The following NR2C2 variants were observed in gnomAD, a reference collection of about 807,000 sequenced individuals.
NR2C2 encodes nuclear receptor subfamily 2 group C member 2, also known as Nuclear hormone receptor TR4.
In NR2C2, 6 loss-of-function variants were observed where a neutral mutation model predicts 62.9. The observed-to-expected ratio is 0.10, with a 90% CI of 0.05 to 0.19. The LOEUF (loss-of-function observed/expected upper bound fraction) is 0.19. Among genes scored for constraint, NR2C2 ranks in the 10% least tolerant of loss-of-function variants. NR2C2 has a pLI of 1.00. For synonymous variants in NR2C2, 272 were observed against 273.8 expected (o/e 0.99, Z 0.07); for missense variants, 479 against 762.7 (o/e 0.63, Z 4.38).
intron 1 of NR2C2, among the ~76,000 whole-genome samples, chr3:14,957,701 T>G (rs929436115): frequency 6.6e-6 from 1 of 152,318 alleles, no homozygotes; most frequent in South Asian, 2.1e-4. Context: ...CACACTACTT[T>G]AAGAATCTGC....
intron 1 of NR2C2, among the ~76,000 whole-genome samples, chr3:15,000,683 G>T (rs2040963695): frequency 2.0e-5 from 3 of 152,070 alleles, no homozygotes; most frequent in African/African-American, 7.2e-5. Context: ...ATGAATTTTA[G>T]GATCATTTTG....
chr3:14,969,673 GT>G (rs1271560935), intron 1 of NR2C2, among the ~76,000 whole-genome samples: 1 of 152,198 alleles, frequency 6.6e-6, no homozygotes, highest in Admixed American at 6.5e-5. Context: ...TTGCATGTAT[GT>G]TTATGCAATA....
intron 1 of NR2C2, among the ~76,000 whole-genome samples, chr3:14,977,676 G>A (rs997022009): frequency 1.8e-4 from 27 of 152,104 alleles, no homozygotes; most frequent in Non-Finnish European, 7.4e-5. Context: ...ATATTTAAGA[G>A]TAATGTAGCC....
chr3:15,016,002 A>G, intron 3 of NR2C2, 150 bp from the exon 4 acceptor site: 1 of 585,900 alleles, frequency 1.7e-6, no homozygotes, highest in South Asian at 1.9e-5. Context: ...GGGTTTCACC[A>G]TGTTAGTCAG....
chr3:15,011,636 C>A (rs560547226), intron 2 of NR2C2, among the ~76,000 whole-genome samples: 15 of 152,282 alleles, frequency 9.9e-5, no homozygotes, highest in African/African-American at 3.6e-4. Flanking sequence ...CAAATCCATT[C>A]TCCTTGAGCC....
chr3:15,018,320 A>G (rs2041568687), intron 4 of NR2C2, among the ~76,000 whole-genome samples: 1 of 152,282 alleles, frequency 6.6e-6, no homozygotes, highest in East Asian at 1.9e-4. Context: ...AATGTCATTG[A>G]TAATTAAAAG....
At chr3:15,023,418 G>GT in intron 6 of NR2C2, 71 bp downstream of exon 6, 5 of 1,560,552 alleles carry the variant, frequency 3.2e-6, no homozygotes, top group Non-Finnish European at 4.4e-6. Flanking sequence ...TCCCACAGCA[G>GT]GCACTGTTGT....
At chr3:15,013,846 A>G in intron 3 of NR2C2, 57 bp downstream of exon 3, 1 of 1,569,648 alleles carries the variant, frequency 6.4e-7, no homozygotes. Flanking sequence ...CTTGTTCCTG[A>G]CTTGTTCTTA....
rs2042151222 is a variant in NR2C2, at chr3:15,038,000, A to G, written c.1373A>G (p.Asp458Gly). The G allele has an allele frequency of 1.2e-6, 2 of 1,612,788 alleles. No homozygotes were observed. Among genetic ancestry groups the G allele is most frequent in the African/African-American group, 1.3e-5 (1 of 74,846 alleles). ...VNHLQNSIQE[D>G]KLSGDRIKQV... is the part of the protein sequence containing the mutation. ...CAGGATCTGTGATGTTGGTTTCTAG[A>G]TAAACTTTCTGGTGACCGGATAAAG... The change falls in exon 12 of 14, where the codon GAT (aspartate) becomes GGT (glycine). Residue 458 changes from aspartate to glycine, a missense_variant and splice_region_variant. Asp to Gly is a moderately conservative substitution (Grantham distance 94, BLOSUM62 -1). This residue lies in a region of NR2C2 where 162 missense variants were observed against 296.8 expected (regional missense o/e 0.55). Coordinates refer to ENST00000425241, the MANE Select transcript of NR2C2 (RefSeq NM_001291694.2).
intron 6 of NR2C2, 105 bp downstream of exon 6, chr3:15,023,452 C>A: frequency 7.6e-7 from 1 of 1,314,862 alleles, no homozygotes; most frequent in Non-Finnish European, 1.1e-6. Context: ...TCTGCCATAG[C>A]CTCCAGCGTT....
intron 4 of NR2C2, among the ~76,000 whole-genome samples, chr3:15,018,683 G>T (rs532590656): frequency 1.3e-5 from 2 of 152,124 alleles, no homozygotes; most frequent in South Asian, 4.2e-4. Context: ...GACCAACGTG[G>T]CAAAACCTCA....
At chr3:14,955,871 G>A (rs2039510260) in intron 1 of NR2C2, among the ~76,000 whole-genome samples, 1 of 151,982 alleles carries the variant, frequency 6.6e-6, no homozygotes, top group African/African-American at 2.4e-5. Flanking sequence ...GAAAATTGTA[G>A]AACTGCTCTG....
Position 15,042,918 on chromosome 3 carries a change from T to C in NR2C2, c.1701T>C (p.Ile567=). The C allele has an allele frequency of 6.2e-7, 1 of 1,614,206 alleles. No homozygotes were observed. The change falls in exon 14 of 14, where the codon ATT becomes ATC. Residue 567 remains isoleucine, a synonymous_variant. Transcript: ENST00000425241. Reference sequence around the variant, plus strand: ...AAGAACTTTTTTTTACTGGTCTCATTGGCAATGTTTCGATAGACAGCATAA... The same window carrying C: ...AAGAACTTTTTTTTACTGGTCTCATCGGCAATGTTTCGATAGACAGCATAA... ...ITEELFFTGL[I]GNVSIDSIIP... is the part of the protein sequence containing the mutation.
At position 15,032,509 on chromosome 3, in the gene NR2C2, C is replaced by T. The variant is rs770079742; in HGVS notation, c.1232+9C>T. ...GCCTTTCAGGCACTTGGGTAAGTGG[C>T]CTCTTGCTGTGCATGTATCCTCGGG... On this transcript the variant is annotated intron_variant, in intron 10 of 13. Transcript: ENST00000425241. 80 of 1,614,104 alleles carry T rather than the reference C, an allele frequency of 5.0e-5. No homozygotes were observed. The highest frequency in any genetic ancestry group is 2.4e-4 in the South Asian group (22 of 91,090).
At chr3:15,005,717 G>A (rs1574993057) in intron 2 of NR2C2, among the ~76,000 whole-genome samples, 1 of 151,822 alleles carries the variant, frequency 6.6e-6, no homozygotes, top group Admixed American at 6.6e-5. Flanking sequence ...TTTTGCATCT[G>A]TCTGTGTCTT....
chr3:15,002,645 CTT>C (rs371981775), intron 1 of NR2C2, among the ~76,000 whole-genome samples: 489 of 39,346 alleles, frequency 0.012, no homozygotes, highest in South Asian at 0.023. Context: ...TCACAATATA[CTT>C]TTTTTTTTTT....
chr3:14,998,608 A>AT (rs1320493030), intron 1 of NR2C2, among the ~76,000 whole-genome samples: 6 of 151,870 alleles, frequency 4.0e-5, no homozygotes, highest in Middle Eastern at 3.4e-3. Context: ...TTAAATTGGG[A>AT]TTTTTGTCTT....
At chr3:14,999,596 C>T (rs781152981) in intron 1 of NR2C2, among the ~76,000 whole-genome samples, 13 of 152,026 alleles carry the variant, frequency 8.6e-5, no homozygotes, top group African/African-American at 2.7e-4. Context: ...TTCAAGTTCA[C>T]GAAGATTTAC....
chr3:14,995,382 A>G (rs536436520), intron 1 of NR2C2, among the ~76,000 whole-genome samples: 18 of 150,452 alleles, frequency 1.2e-4, no homozygotes, highest in South Asian at 2.1e-4. Flanking sequence ...GGCAACTGCT[A>G]CTTTACTTTC....
Sources: gnomAD v4.1 joint callset for allele counts (sites outside exome capture counted in the v4.1 genomes callset) on GRCh38, gnomAD v4.1.1 for gene constraint, gnomAD v4.1.1 regional missense constraint, MANE v1.5 for transcripts, NCBI Gene and HGNC (gene_info 2026-07-23, HGNC 2026-07-21) for gene names.